GABRB1: variants seen among roughly 807,000 people sequenced by gnomAD.
GABRB1 encodes gamma-aminobutyric acid type A receptor subunit beta1, also known as gamma-aminobutyric acid receptor subunit beta-1.
A neutral mutation model predicts 51.6 loss-of-function variants in GABRB1; 17 were observed. The observed-to-expected ratio is 0.33, with a 90% CI of 0.23 to 0.49. The LOEUF (loss-of-function observed/expected upper bound fraction) is 0.49, where lower values mean the gene tolerates loss of function less well. GABRB1 is among the 20% of genes least tolerant of loss of function. The pLI is 0.99. For missense variants in GABRB1, 410 were observed against 600.6 expected, an observed-to-expected ratio of 0.68 and a Z score of 3.32; for synonymous variants, 247 against 218.9, an observed-to-expected ratio of 1.13 and a Z score of -1.14.
chr4:47,154,272 T>TC (rs56070910), intron 3 of GABRB1, among the ~76,000 whole-genome samples: 3 of 151,288 alleles, frequency 2.0e-5, no homozygotes, highest in African/African-American at 4.9e-5. Flanking sequence ...TTTTTTTTTT[T>TC]CTTATCCTAA....
In GABRB1 at chr4:47,171,890, C is replaced by A. The variant is rs541237423; in HGVS notation, c.461+10421C>A. Reference sequence around the variant, plus strand: ...TTGCTTCAATCAATAGTATGTATCCCAGATTGTGAAATAGTCATCCAGAAG... The same window carrying A: ...TTGCTTCAATCAATAGTATGTATCCAAGATTGTGAAATAGTCATCCAGAAG... On this transcript the variant is annotated intron_variant, in intron 4 of 8. Coordinates refer to ENST00000295454, the MANE Select transcript of GABRB1 (RefSeq NM_000812.4). 5.9e-5 allele frequency among the ~76,000 whole-genome samples: 9 copies of A among 152,134 alleles called. No individual in the cohort carries two copies. In the South Asian group the frequency reaches 1.7e-3, roughly 28 times the overall value.
intron 1 of GABRB1, among the ~76,000 whole-genome samples, chr4:47,000,949 A>C (rs1398466129): frequency 6.6e-6 from 1 of 152,132 alleles, no homozygotes; most frequent in East Asian, 1.9e-4. Context: ...ATACTGAGAG[A>C]TATGATTCAT....
chr4:47,001,179 G>A (rs1363340905), intron 1 of GABRB1, among the ~76,000 whole-genome samples: 2 of 152,084 alleles, frequency 1.3e-5, no homozygotes, highest in African/African-American at 4.8e-5. Flanking sequence ...GTCTCGCTCT[G>A]TCGCCCAGGC....
At chr4:47,335,714 T>C (rs1037674448) in intron 5 of GABRB1, among the ~76,000 whole-genome samples, 4 of 152,200 alleles carry the variant, frequency 2.6e-5, no homozygotes, top group Admixed American at 1.3e-4. Context: ...ATTCTCTTTT[T>C]TTCCATTTGA....
intron 3 of GABRB1, among the ~76,000 whole-genome samples, chr4:47,041,977 T>G (rs187186851): frequency 1.3e-5 from 2 of 152,138 alleles, no homozygotes; most frequent in Non-Finnish European, 2.9e-5. Flanking sequence ...TGGGGCATAT[T>G]AGGAAATCAA....
intron 5 of GABRB1, among the ~76,000 whole-genome samples, chr4:47,398,090 C>T (rs138107888): frequency 1.3e-5 from 2 of 152,228 alleles, no homozygotes; most frequent in East Asian, 3.9e-4. Context: ...AATGTTGCTT[C>T]ATATGTGTTT....
intron 3 of GABRB1, among the ~76,000 whole-genome samples, chr4:47,132,959 CAA>C (rs1716489098): frequency 6.6e-6 from 1 of 152,170 alleles, no homozygotes; most frequent in Non-Finnish European, 1.5e-5. Context: ...GCTACTCTAC[CAA>C]AGAGGTATCC....
chr4:47,179,128 CT>C (rs1718833780), intron 4 of GABRB1, among the ~76,000 whole-genome samples: 5 of 152,054 alleles, frequency 3.3e-5, no homozygotes, highest in South Asian at 2.1e-4. Flanking sequence ...CCCTCACCCC[CT>C]GACAGGCCCC....
At chr4:47,389,913 T>C (rs1185676598) in intron 5 of GABRB1, among the ~76,000 whole-genome samples, 1 of 152,206 alleles carries the variant, frequency 6.6e-6, no homozygotes, top group Admixed American at 6.5e-5. Context: ...TTTCAGTAGG[T>C]TATTTTCTAA....
At chr4:47,270,268 T>G (rs1432025611) in intron 4 of GABRB1, among the ~76,000 whole-genome samples, 3 of 152,156 alleles carry the variant, frequency 2.0e-5, no homozygotes, top group Non-Finnish European at 2.9e-5. Flanking sequence ...CTGTTGGCAG[T>G]CTGTTGCTGC....
At chr4:47,114,866 C>A (rs1715396868) in intron 3 of GABRB1, among the ~76,000 whole-genome samples, 1 of 152,156 alleles carries the variant, frequency 6.6e-6, no homozygotes, top group Admixed American at 6.5e-5. Context: ...GCGCTGTGTC[C>A]TGTGTGACTG....
At chr4:47,380,598 G>A (rs756104171) in intron 5 of GABRB1, among the ~76,000 whole-genome samples, 13 of 152,136 alleles carry the variant, frequency 8.5e-5, no homozygotes, top group South Asian at 4.1e-4. Flanking sequence ...TTGATCATCC[G>A]TCTATTCAAC....
intron 5 of GABRB1, among the ~76,000 whole-genome samples, chr4:47,332,089 G>A (rs1453270979): frequency 2.6e-5 from 4 of 152,158 alleles, no homozygotes; most frequent in African/African-American, 9.7e-5. Flanking sequence ...CTCTCTCACC[G>A]AATCTGTCCC....
chr4:47,389,705 T>A (rs1727921268), intron 5 of GABRB1, among the ~76,000 whole-genome samples: 1 of 152,216 alleles, frequency 6.6e-6, no homozygotes, highest in Non-Finnish European at 1.5e-5. Flanking sequence ...GTTATGCACA[T>A]CTGGAGCCAC....
Position 47,019,631 on chromosome 4 carries a change from CTTTCTTTCTTTCTT to C in GABRB1, c.-19-12281_-19-12268del, listed in dbSNP as rs1560498139. ...CTTCTTTCTTTCTTTCTCTCTCTTT[CTTTCTTTCTTTCTT>C]TCTTTCTTTCTTTCTTTCTTTCTTT... On this transcript the variant is annotated intron_variant, in intron 1 of 3. Transcript: ENST00000513567. Among the ~76,000 whole-genome samples, 305 of 118,660 alleles carry C rather than the reference CTTTCTTTCTTTCTT, an allele frequency of 2.6e-3. 3 individuals carry two copies. The highest frequency in any genetic ancestry group is 9.8e-3 in the African/African-American group (265 of 26,972). 77.8% of individuals were successfully genotyped at this position (118,660 alleles called of 152,430 possible).
intron 4 of GABRB1, among the ~76,000 whole-genome samples, chr4:47,275,145 A>G (rs888567419): frequency 6.6e-6 from 1 of 152,188 alleles, no homozygotes; most frequent in South Asian, 2.1e-4. Context: ...GAGGAAAACC[A>G]CAAAGGCCAC....
chr4:47,262,219 C>T (rs56349179), intron 4 of GABRB1, among the ~76,000 whole-genome samples: 28,679 of 150,950 alleles, frequency 0.19, 2,824 homozygotes, highest in East Asian at 0.27. Context: ...AAAGAGCTTC[C>T]GCACAGCAAA....
chr4:47,354,103 C>T (rs888010785), intron 5 of GABRB1, among the ~76,000 whole-genome samples: 1 of 152,186 alleles, frequency 6.6e-6, no homozygotes, highest in African/African-American at 2.4e-5. Flanking sequence ...CCTAGTCCCA[C>T]CCCTAGAACC....
chr4:47,182,908 G>C (rs1278727436), intron 4 of GABRB1, among the ~76,000 whole-genome samples: 1 of 151,770 alleles, frequency 6.6e-6, no homozygotes, highest in Non-Finnish European at 1.5e-5. Flanking sequence ...AAAGAAACTA[G>C]AATTTTTAGC....
Sources: gnomAD v4.1 joint callset for allele counts (sites outside exome capture counted in the v4.1 genomes callset) on GRCh38, gnomAD v4.1.1 for gene constraint, MANE v1.5 for transcripts, NCBI Gene and HGNC (gene_info 2026-07-23, HGNC 2026-07-21) for gene names.